The following SCN9A variants were observed in gnomAD, a reference collection of about 807,000 sequenced individuals.
SCN9A encodes sodium channel protein type 9 subunit alpha.
Under a neutral mutation model 187.0 loss-of-function variants are expected in SCN9A, and 131 were observed. The observed-to-expected ratio is 0.70, with a 90% CI of 0.61 to 0.81. SCN9A has a LOEUF of 0.81. SCN9A is among the 30% of genes least tolerant of loss of function. The pLI is 0.00. For missense variants in SCN9A, 2,252 were observed against 2,396.6 expected (o/e 0.94, Z 1.26); for synonymous variants, 809 against 808.6 (o/e 1.00, Z -0.01).
intron 19 of SCN9A, among the ~76,000 whole-genome samples, chr2:166,239,892 C>T (rs967247319): frequency 6.6e-6 from 1 of 152,122 alleles, no homozygotes; most frequent in Non-Finnish European, 1.5e-5. Context: ...CTTCCAGAAC[C>T]AATTTTGTGG....
chr2:166,224,393 G>T (rs1164541437), intron 24 of SCN9A, among the ~76,000 whole-genome samples: 1 of 151,606 alleles, frequency 6.6e-6, no homozygotes, highest in Non-Finnish European at 1.5e-5. Flanking sequence ...TTGTCTACTT[G>T]CAAATAGTCA....
intron 24 of SCN9A, among the ~76,000 whole-genome samples, chr2:166,225,686 A>G (rs1276906318): frequency 6.6e-6 from 1 of 152,188 alleles, no homozygotes; most frequent in African/African-American, 2.4e-5. Flanking sequence ...GTCATTGCAG[A>G]TGTAATTAAG....
At chr2:166,217,105 G>A (rs1420481087) in intron 24 of SCN9A, among the ~76,000 whole-genome samples, 1 of 151,944 alleles carries the variant, frequency 6.6e-6, no homozygotes, top group Non-Finnish European at 1.5e-5. Context: ...AATAAACAAT[G>A]GGGGAAAGGA....
At chr2:166,336,442 C>T (rs893039569) in intron 1 of SCN9A, among the ~76,000 whole-genome samples, 4 of 152,028 alleles carry the variant, frequency 2.6e-5, no homozygotes, top group South Asian at 2.1e-4. Flanking sequence ...CTCATGGGAA[C>T]ATGGAGGAAG....
intron 1 of SCN9A, among the ~76,000 whole-genome samples, chr2:166,345,045 A>G (rs531756169): frequency 6.6e-5 from 10 of 152,222 alleles, no homozygotes; most frequent in African/African-American, 1.7e-4. Context: ...ATATACCCCA[A>G]TTACTCCAGG....
At chr2:166,363,665 G>A (rs544760124) in intron 1 of SCN9A, among the ~76,000 whole-genome samples, 7 of 151,968 alleles carry the variant, frequency 4.6e-5, no homozygotes, top group Non-Finnish European at 8.8e-5. Context: ...AACTCTCTTA[G>A]AGTCTACGAA....
chr2:166,368,686 T>TAAAA lies in SCN9A; in HGVS notation c.-51+7007_-51+7010dup, dbSNP rs67339035. Among the ~76,000 whole-genome samples, 1,193 of 134,526 alleles carry TAAAA rather than the reference T, an allele frequency of 8.9e-3. 26 individuals carry two copies. The highest frequency in any genetic ancestry group is 0.03 in the African/African-American group (1,076 of 35,694). The allele number at this position is 134,526 out of a possible 152,430, so 88.3% of individuals were successfully genotyped here. A position where few individuals can be genotyped will look rare whatever the true frequency, so the allele number is the denominator to read the frequency against. ...CTGCAAATGTACCTTGAAACTTAAT[T>TAAAA]AAAAAAAAAAAAAAAAAGAGGCTGG... On this transcript the variant is annotated intron_variant, in intron 1 of 26. Transcript: ENST00000642356.
rs2106475505 is a variant in SCN9A, at chr2:166,280,436, A to G, written c.2264T>C (p.Val755Ala). The G allele has an allele frequency of 1.9e-6, 3 of 1,591,938 alleles. No homozygotes were observed. The East Asian group carries it at 6.8e-5, about 36-fold the overall frequency. The stretch of plus-strand genomic sequence containing the variant: ...CATAGCCATAAATAATGTGTTTAAA[A>G]CTATGCAAATGGTAATTGCAAGATC... ...FVDLAITICI[V>A]LNTLFMAMEH... is the part of the protein sequence containing the mutation. Residue 755 changes from valine to alanine, a missense_variant, in exon 14 of 27, where the codon GTT becomes GCT. Val to Ala is a moderately conservative substitution (Grantham distance 64, BLOSUM62 0). Transcript: ENST00000642356.
At chr2:166,277,952 A>G (rs1419489702) in intron 15 of SCN9A, 188 bp downstream of exon 15, 8 of 506,324 alleles carry the variant, frequency 1.6e-5, no homozygotes, top group Non-Finnish European at 2.4e-5. Flanking sequence ...GTCTTCAAAA[A>G]TTGTAAAAAT....
rs1693333716 is a variant in SCN9A, at chr2:166,198,876, G to C, written c.5763C>G (p.Asp1921Glu). 6.2e-7 allele frequency: 1 copy of C among 1,613,630 alleles called. No homozygotes were observed. ...NISSIYIKDG[D>E]RDDDLLNKKD... ...TTTTATTGAGTAAATCATCATCTCT[G>C]TCTCCATCTTTTATGTATATACTTG... The change falls in exon 27 of 27, where the codon GAC (aspartate) becomes GAG (glutamate). Residue 1921 changes from aspartate (D) to glutamate (E), a missense_variant. By Grantham distance (45) the Asp-to-Glu change is conservative. Coordinates refer to ENST00000642356, the MANE Select transcript of SCN9A (RefSeq NM_001365536.1).
At chr2:166,350,533 T>C (rs573057895) in intron 1 of SCN9A, among the ~76,000 whole-genome samples, 53 of 152,372 alleles carry the variant, frequency 3.5e-4, no homozygotes, top group Middle Eastern at 3.4e-3. Context: ...TATACTTTAG[T>C]AATTCACTAA....
intron 20 of SCN9A, among the ~76,000 whole-genome samples, chr2:166,235,469 T>C (rs988449153): frequency 6.6e-6 from 1 of 152,096 alleles, no homozygotes; most frequent in Non-Finnish European, 1.5e-5. Flanking sequence ...ATATAAGTAG[T>C]TCTGAAATCT....
rs199684109 is a variant in SCN9A at position 166,196,985 on chromosome 2, G to A, written c.*1687C>T. Reference sequence around the variant, plus strand: ...CATAAATCTTTGTTTCTATAGGTACGTTTAAATCCTCTTTCTTTTTAAATT... The same window carrying A: ...CATAAATCTTTGTTTCTATAGGTACATTTAAATCCTCTTTCTTTTTAAATT... On this transcript the variant is annotated 3_prime_UTR_variant, in exon 27 of 27. Transcript: ENST00000642356. The A allele has an allele frequency of 2.6e-5, 4 of 151,970 alleles. No homozygotes were observed. The highest frequency in any genetic ancestry group is 1.9e-4 in the East Asian group (1 of 5,186). 9.4% of individuals were successfully genotyped at this position (151,970 alleles called of 1,614,324 possible).
chr2:166,364,561 A>G (rs1289348885), intron 1 of SCN9A, among the ~76,000 whole-genome samples: 4 of 152,178 alleles, frequency 2.6e-5, no homozygotes, highest in African/African-American at 7.2e-5. Flanking sequence ...CATTATGCTA[A>G]GTGAAATAAG....
intron 21 of SCN9A, among the ~76,000 whole-genome samples, chr2:166,229,509 TTTAA>T (rs1332464461): frequency 6.6e-6 from 1 of 152,118 alleles, no homozygotes; most frequent in Non-Finnish European, 1.5e-5. Flanking sequence ...TTTAATTTAA[TTTAA>T]TTATTTTCTT....
chr2:166,325,548 T>C (rs540730019), intron 1 of SCN9A, among the ~76,000 whole-genome samples: 11 of 152,240 alleles, frequency 7.2e-5, no homozygotes, highest in African/African-American at 2.6e-4. Context: ...GCTAAAAAAA[T>C]ACACTTATGA....
intron 12 of SCN9A, among the ~76,000 whole-genome samples, chr2:166,283,518 T>C (rs1697587443): frequency 1.3e-5 from 2 of 152,146 alleles, no homozygotes; most frequent in African/African-American, 4.8e-5. Context: ...TAAAGAGATA[T>C]CCTGGAAACT....
chr2:166,374,835 C>G (rs759618021), intron 1 of SCN9A, among the ~76,000 whole-genome samples: 1 of 151,936 alleles, frequency 6.6e-6, no homozygotes, highest in Non-Finnish European at 1.5e-5. Context: ...CTTACTGACA[C>G]TAGCTTCTTA....
chr2:166,357,381 C>T (rs1700175059), intron 1 of SCN9A, among the ~76,000 whole-genome samples: 1 of 152,166 alleles, frequency 6.6e-6, no homozygotes. Flanking sequence ...TTCTATCCTA[C>T]CCTAACTCTG....
Sources: allele counts gnomAD v4.1 joint callset (sites outside exome capture counted in the v4.1 genomes callset), GRCh38; gene constraint gnomAD v4.1.1; transcripts MANE v1.5; gene names NCBI Gene and HGNC (gene_info 2026-07-23, HGNC 2026-07-21).